The following DLG2 variants were observed in gnomAD, a reference collection of about 807,000 sequenced individuals.
DLG2 encodes discs large MAGUK scaffold protein 2, also known as disks large homolog 2.
In DLG2, 45 loss-of-function variants were observed where a neutral mutation model predicts 132.5. The observed-to-expected ratio is 0.34, with a 90% CI of 0.27 to 0.44. The LOEUF is 0.44. Ranked by LOEUF, DLG2 falls within the 20% of genes least tolerant of loss-of-function variation. DLG2 has a pLI of 1.00. For missense variants in DLG2, 1,045 were observed against 1,196.9 expected, an observed-to-expected ratio of 0.87 and a Z score of 1.87; for synonymous variants, 424 against 419.6, an observed-to-expected ratio of 1.01 and a Z score of -0.13.
chr11:83,471,130 T>G (rs2136519072), intron 24 of DLG2, among the ~76,000 whole-genome samples: 1 of 152,230 alleles, frequency 6.6e-6, no homozygotes, highest in Admixed American at 6.6e-5. Flanking sequence ...ATTGAAGTGT[T>G]ACACATTTTC....
chr11:84,312,191 G>A (rs1252745272), intron 7 of DLG2, among the ~76,000 whole-genome samples: 1 of 152,106 alleles, frequency 6.6e-6, no homozygotes, highest in African/African-American at 2.4e-5. Context: ...GAAAATCTTG[G>A]CTGGGCGCAG....
chr11:84,702,455 T>C (rs1006538673), intron 6 of DLG2, among the ~76,000 whole-genome samples: 5 of 151,834 alleles, frequency 3.3e-5, no homozygotes, highest in East Asian at 1.9e-4. Context: ...CCTAGTTCTG[T>C]TGACAGAACA....
At chr11:85,384,323 G>T (rs368372254) in intron 3 of DLG2, among the ~76,000 whole-genome samples, 101 of 152,144 alleles carry the variant, frequency 6.6e-4, no homozygotes, top group African/African-American at 2.3e-3. Flanking sequence ...TGGCAACTTT[G>T]TTTCCCAGAA....
At chr11:83,886,907 A>T in intron 15 of DLG2, among the ~76,000 whole-genome samples, 1 of 150,242 alleles carries the variant, frequency 6.7e-6, no homozygotes, top group East Asian at 1.9e-4. Context: ...CAACGACAAC[A>T]AAGACACAAC....
At chr11:85,496,938 G>A (rs1285690727) in intron 3 of DLG2, among the ~76,000 whole-genome samples, 1 of 152,114 alleles carries the variant, frequency 6.6e-6, no homozygotes, top group Non-Finnish European at 1.5e-5. Flanking sequence ...TGACTTTAAA[G>A]ACCAAAGCTA....
chr11:84,312,771 A>C (rs749766640), intron 7 of DLG2, among the ~76,000 whole-genome samples: 9 of 152,092 alleles, frequency 5.9e-5, no homozygotes, highest in Non-Finnish European at 1.2e-4. Context: ...AGAGATATCT[A>C]CTTTCTTTAC....
At chr11:84,445,551 TATA>T (rs1418463813) in intron 7 of DLG2, among the ~76,000 whole-genome samples, 2 of 152,182 alleles carry the variant, frequency 1.3e-5, no homozygotes, top group Non-Finnish European at 2.9e-5. Flanking sequence ...TCGGTTTTAC[TATA>T]ATATTTTCTT....
intron 6 of DLG2, among the ~76,000 whole-genome samples, chr11:84,832,464 A>C (rs1224854038): frequency 2.6e-5 from 4 of 151,662 alleles, no homozygotes; most frequent in Non-Finnish European, 5.9e-5. Context: ...TTAGTAACTT[A>C]ACTACAACAT....
At chr11:83,901,545 C>T (rs910862105) in intron 15 of DLG2, among the ~76,000 whole-genome samples, 8 of 152,164 alleles carry the variant, frequency 5.3e-5, no homozygotes, top group African/African-American at 1.9e-4. Flanking sequence ...GCTCTCTCTT[C>T]TCTTGTCTGG....
At chr11:84,621,470 C>A (rs925292680) in intron 6 of DLG2, among the ~76,000 whole-genome samples, 4 of 152,106 alleles carry the variant, frequency 2.6e-5, no homozygotes, top group Admixed American at 2.0e-4. Flanking sequence ...ATTATAGATT[C>A]ATGTTTTGGC....
chr11:85,401,978 T>TAA (rs200350806), intron 3 of DLG2, among the ~76,000 whole-genome samples: 17 of 151,338 alleles, frequency 1.1e-4, no homozygotes, highest in East Asian at 1.9e-4. Context: ...TTCAGAGAAT[T>TAA]AATAAAAAAC....
chr11:83,905,498 T>C (rs944574675), intron 15 of DLG2, among the ~76,000 whole-genome samples: 5 of 152,194 alleles, frequency 3.3e-5, no homozygotes, highest in Non-Finnish European at 7.4e-5. Flanking sequence ...ATGGCTTATA[T>C]ATGGTATGTC....
intron 18 of DLG2, among the ~76,000 whole-genome samples, chr11:83,756,869 TTC>T (rs2093670462): frequency 6.8e-6 from 1 of 146,344 alleles, no homozygotes; most frequent in South Asian, 2.1e-4. Context: ...TAGTTAGCCT[TTC>T]AGCTTTGTTC....
At chr11:84,389,978 T>C (rs1318387264) in intron 7 of DLG2, among the ~76,000 whole-genome samples, 2 of 152,206 alleles carry the variant, frequency 1.3e-5, no homozygotes, top group African/African-American at 4.8e-5. Flanking sequence ...GCAGTATCAT[T>C]TAGGTATATA....
At chr11:84,033,443 G>A (rs914127314) in intron 11 of DLG2, among the ~76,000 whole-genome samples, 40 of 152,252 alleles carry the variant, frequency 2.6e-4, no homozygotes, top group Admixed American at 1.1e-3. Context: ...CTGCAATCTC[G>A]TAATAAAACT....
intron 7 of DLG2, among the ~76,000 whole-genome samples, chr11:84,439,392 C>T (rs1487011310): frequency 6.6e-6 from 1 of 152,154 alleles, no homozygotes; most frequent in Non-Finnish European, 1.5e-5. Context: ...GATTCAGTGT[C>T]CCAAAAAGTC....
chr11:84,423,904 CCATTAAA>C (rs1466629340), intron 7 of DLG2, among the ~76,000 whole-genome samples: 2 of 152,130 alleles, frequency 1.3e-5, no homozygotes, highest in African/African-American at 4.8e-5. Context: ...GTACTTACCT[CCATTAAA>C]CATTAAACAG....
At chr11:85,355,264 T>C (rs1422931372) in intron 3 of DLG2, among the ~76,000 whole-genome samples, 4 of 152,322 alleles carry the variant, frequency 2.6e-5, no homozygotes, top group Admixed American at 6.5e-5. Flanking sequence ...ATTAGCACTT[T>C]TATTGAAATT....
At chr11:84,383,549 T>C (rs2098756523) in intron 7 of DLG2, among the ~76,000 whole-genome samples, 2 of 152,128 alleles carry the variant, frequency 1.3e-5, no homozygotes, top group Non-Finnish European at 1.5e-5. Flanking sequence ...AGAGAGACTC[T>C]CATGTTGGCC....
Sources: gnomAD v4.1 joint callset for allele counts (sites outside exome capture counted in the v4.1 genomes callset) on GRCh38, gnomAD v4.1.1 for gene constraint, MANE v1.5 for transcripts, NCBI Gene and HGNC (gene_info 2026-07-23, HGNC 2026-07-21) for gene names.